Variants in ZNF646 observed in about 807,000 individuals in gnomAD.
ZNF646 encodes the protein zinc finger protein 646.
In ZNF646, 49 loss-of-function variants were observed where a neutral mutation model predicts 115.4. The observed-to-expected ratio is 0.42, with a 90% CI of 0.34 to 0.54. ZNF646 has a LOEUF of 0.54. Ranked by LOEUF, ZNF646 falls within the 20% of genes least tolerant of loss-of-function variation. ZNF646 has a pLI of 0.04. For synonymous variants in ZNF646, 933 were observed against 939.0 expected, an observed-to-expected ratio of 0.99 and a Z score of 0.12; for missense variants, 2,269 against 2,457.9, an observed-to-expected ratio of 0.92 and a Z score of 1.62.
chr16:31,078,161 C>T lies in ZNF646; in HGVS notation c.1837C>T (p.Pro613Ser), dbSNP rs745779632. Residue 613 changes from proline to serine, a missense_variant, in exon 2 of 3, where the codon CCT (proline) becomes TCT (serine). Physicochemically the swap from Pro to Ser is moderately conservative, Grantham distance 74. This residue lies in a region of ZNF646 where 852 missense variants were observed against 900.2 expected (regional missense o/e 0.95). Transcript: ENST00000300850. ...ENSRTETTMS[P>S]PRAFACRDCG... is the part of the protein sequence containing the mutation. Reference sequence around the variant, plus strand: ...TAGCAGAACAGAGACCACAATGTCACCTCCTAGGGCCTTTGCCTGCCGAGA... The same window carrying T: ...TAGCAGAACAGAGACCACAATGTCATCTCCTAGGGCCTTTGCCTGCCGAGA... The T allele has an allele frequency of 6.8e-6, 11 of 1,613,938 alleles. No individual in the cohort carries two copies. The highest frequency in any genetic ancestry group is 9.3e-6 in the Non-Finnish European group (11 of 1,180,044).
upstream of ZNF646, chr16:31,074,002 A>T (rs1035701971): frequency 6.6e-6 from 1 of 152,234 alleles, no homozygotes; most frequent in Non-Finnish European, 1.5e-5. Flanking sequence ...GAGGACAAAA[A>T]GGCCATGCTC....
chr16:31,075,076 T>G (rs77079826), intron 1 of ZNF646, among the ~76,000 whole-genome samples: 4,748 of 152,174 alleles, frequency 0.031, 258 homozygotes, highest in African/African-American at 0.11. Context: ...GCCTGGCACA[T>G]GGTAATATAA....
Position 31,076,786 on chromosome 16 carries a change from T to C in ZNF646, c.462T>C (p.Pro154=). The change falls in exon 2 of 3, where the codon CCT becomes CCC. Residue 154 remains proline, a synonymous_variant. Transcript: ENST00000300850. The part of the protein sequence containing the change: ...TEETPDCESV[P]DPRAASGTWE... ...AGACACCTGACTGTGAATCTGTACCTGACCCCAGGGCAGCTTCGGGTACGT... is the reference window on the plus strand; with the variant it reads ...AGACACCTGACTGTGAATCTGTACCCGACCCCAGGGCAGCTTCGGGTACGT... 6.2e-7 allele frequency: 1 copy of C among 1,613,956 alleles called. No individual in the cohort carries two copies. Among genetic ancestry groups the C allele is most frequent in the Non-Finnish European group, 8.5e-7 (1 of 1,180,034 alleles).
At position 31,083,107 on chromosome 16, in the gene ZNF646, A is replaced by C. The variant is rs1008417276; in HGVS notation, c.*15A>C. On this transcript the variant is annotated 3_prime_UTR_variant, in exon 3 of 3. Coordinates refer to ENST00000300850, the MANE Select transcript of ZNF646 (RefSeq NM_014699.4). ...TCTCCCTCTGAACTTCAAGTCTCCAAAGATCAGAATCTGGGGGAGGGAGCG... is the reference window on the plus strand; with the variant it reads ...TCTCCCTCTGAACTTCAAGTCTCCACAGATCAGAATCTGGGGGAGGGAGCG... The C allele has an allele frequency of 3.1e-6, 5 of 1,602,810 alleles. No individual in the cohort carries two copies. The highest frequency in any genetic ancestry group is 4.3e-6 in the Non-Finnish European group (5 of 1,175,594).
Position 31,077,943 on chromosome 16 carries a change from A to G in ZNF646, c.1619A>G (p.Asp540Gly), listed in dbSNP as rs377407582. The G allele has an allele frequency of 1.2e-6, 2 of 1,613,804 alleles. No individual in the cohort carries two copies. The highest frequency in any genetic ancestry group is 2.7e-5 in the African/African-American group (2 of 74,930). ...CACCTCAAGGTAGAACTCCCGCCTG[A>G]CCCAGTGGAGGCAGAGGCAGCCCCG... ...PSHLKVELPP[D>G]PVEAEAAPHT... The change falls in exon 2 of 3, where the codon GAC (aspartate) becomes GGC (glycine). Residue 540 changes from aspartate to glycine, a missense_variant. Physicochemically the swap from Asp to Gly is moderately conservative, Grantham distance 94. Transcript: ENST00000300850.
chr16:31,076,258 C>G lies in ZNF646; in HGVS notation c.-67C>G, dbSNP rs1009499961. 1.3e-6 allele frequency: 2 copies of G among 1,536,992 alleles called. No homozygotes were observed. The highest frequency in any genetic ancestry group is 1.2e-5 in the South Asian group (1 of 80,332). ...CCCCTCTTCCTAGGCCTTGGCCCCT[C>G]CACCAGAGGAAGGTGCTGCCACGTG... On this transcript the variant is annotated 5_prime_UTR_variant, in exon 2 of 3. Transcript: ENST00000300850.
Position 31,080,581 on chromosome 16 carries a change from A to G in ZNF646, c.4257A>G (p.Gln1419=), listed in dbSNP as rs745963231. The G allele has an allele frequency of 2.5e-6, 4 of 1,614,034 alleles. No individual in the cohort carries two copies. The highest frequency in any genetic ancestry group is 2.2e-5 in the East Asian group (1 of 44,868). The change falls in exon 2 of 3, where the codon CAA becomes CAG. Residue 1419 remains glutamine, a synonymous_variant. Coordinates refer to ENST00000300850, the MANE Select transcript of ZNF646 (RefSeq NM_014699.4). The part of the protein sequence containing the change: ...NLTGSQGLET[Q]LGGAEPVPHL... ...CTGGCAGCCAGGGACTAGAGACCCA[A>G]TTGGGTGGTGCTGAGCCAGTACCCC...
In ZNF646 at chr16:31,079,033, C is replaced by G. The variant is rs1465440027; in HGVS notation, c.2709C>G (p.Ala903=). 1.3e-6 allele frequency: 2 copies of G among 1,584,796 alleles called. No individual in the cohort carries two copies. The highest frequency in any genetic ancestry group is 1.7e-6 in the Non-Finnish European group (2 of 1,163,150). Residue 903 remains alanine (A), a synonymous_variant, in exon 2 of 3, where the codon GCC becomes GCG. Coordinates refer to ENST00000300850, the MANE Select transcript of ZNF646 (RefSeq NM_014699.4). This position sits in a 1 kb window ranked among gnomAD's most constrained non-coding sequence, Gnocchi z 5.5. ...RAGYRLHRRQ[A]HSSSGMTEGS... The stretch of plus-strand genomic sequence containing the variant: ...GCTACAGGCTTCACCGGCGCCAGGC[C>G]CACAGCTCCTCTGGCATGACTGAGG...
rs771545788 is a variant in ZNF646 at position 31,077,535 on chromosome 16, C to T, written c.1211C>T (p.Ser404Leu). Residue 404 changes from serine (S) to leucine (L), a missense_variant, in exon 2 of 3, where the codon TCA becomes TTA. By Grantham distance (145) the Ser-to-Leu change is moderately radical. Transcript: ENST00000300850. ...CACCAGACAGGTGTCTACCCCTGCT[C>T]ACTCTGTTCTAAGCAGCTGTTCAAT... is the stretch of plus-strand genomic sequence containing the variant. ...KSHQTGVYPC[S>L]LCSKQLFNAA... 9.3e-6 allele frequency: 15 copies of T among 1,613,388 alleles called. No individual in the cohort carries two copies. The highest frequency in any genetic ancestry group is 5.1e-6 in the Non-Finnish European group (6 of 1,179,810).
In ZNF646 at chr16:31,078,376, G is replaced by A. The variant is rs527819716; in HGVS notation, c.2052G>A (p.Gly684=). Residue 684 remains glycine, a synonymous_variant, in exon 2 of 3, where the codon GGG becomes GGA. Coordinates refer to ENST00000300850, the MANE Select transcript of ZNF646 (RefSeq NM_014699.4). ...HRKRAGGASG[G]REAKLLAAES... is the part of the protein sequence containing the mutation. ...AGCGGGCTGGCGGTGCCAGCGGTGG[G>A]AGAGAAGCCAAACTCCTGGCAGCGG... The A allele has an allele frequency of 3.0e-5, 48 of 1,612,740 alleles. No individual in the cohort carries two copies. In the African/African-American group the frequency reaches 6.0e-4, roughly 20 times the overall value.
In ZNF646 at chr16:31,076,970, G is replaced by C. The variant is rs1220914014; in HGVS notation, c.646G>C (p.Glu216Gln). The stretch of plus-strand genomic sequence containing the variant: ...TAGCAACTTGGAACAGTATCTGGCT[G>C]AATCAGTAGTGAACTTCACAGGGGG... ...LLSNLEQYLA[E>Q]SVVNFTGGQE... is the part of the protein sequence containing the mutation. The change falls in exon 2 of 3, where the codon GAA becomes CAA. Residue 216 changes from glutamate to glutamine, a missense_variant. This residue lies in a region of ZNF646 where 334 missense variants were observed against 323.5 expected (regional missense o/e 1.03). Transcript: ENST00000300850. 3 of 1,614,100 alleles carry C rather than the reference G, an allele frequency of 1.9e-6. No individual in the cohort carries two copies. The East Asian group carries it at 6.7e-5, about 36-fold the overall frequency.
rs1338844752 is a variant in ZNF646, at chr16:31,082,982, G to T, written c.5389G>T (p.Ala1797Ser). Reference sequence around the variant, plus strand: ...CTCTCTCCCCCCAGGAGCCCCAGTGGCACCAGTGACGGGCAGAGGGGACTT... The same window carrying T: ...CTCTCTCCCCCCAGGAGCCCCAGTGTCACCAGTGACGGGCAGAGGGGACTT... The part of the protein sequence containing the change: ...WTVAGSGAPV[A>S]PVTGRGDLPL... Residue 1797 changes from alanine to serine, a missense_variant, in exon 3 of 3, where the codon GCA (alanine) becomes TCA (serine). Coordinates refer to ENST00000300850, the MANE Select transcript of ZNF646 (RefSeq NM_014699.4). 1 of 1,597,344 alleles carries T rather than the reference G, an allele frequency of 6.3e-7. No homozygotes were observed. The highest frequency in any genetic ancestry group is 1.1e-5 in the South Asian group (1 of 88,940).
rs756629002 is a variant in ZNF646, at chr16:31,083,119, T to C, written c.*27T>C. ...CTTCAAGTCTCCAAAGATCAGAATCTGGGGGAGGGAGCGCGTGCAGGGAGG... is the reference window on the plus strand; with the variant it reads ...CTTCAAGTCTCCAAAGATCAGAATCCGGGGGAGGGAGCGCGTGCAGGGAGG... On this transcript the variant is annotated 3_prime_UTR_variant, in exon 3 of 3. Transcript: ENST00000300850. 6.3e-7 allele frequency: 1 copy of C among 1,596,130 alleles called. No homozygotes were observed. The highest frequency in any genetic ancestry group is 8.5e-7 in the Non-Finnish European group (1 of 1,173,252).
At chr16:31,076,224 G>T in intron 1 of ZNF646, 22 bp from the exon 2 acceptor site, 1 of 1,458,462 alleles carries the variant, frequency 6.9e-7, no homozygotes, top group South Asian at 1.4e-5. Flanking sequence ...CCTTCCTTTT[G>T]ACCACTGCCC....
chr16:31,083,644 C>T lies in ZNF646; in HGVS notation c.*552C>T. On this transcript the variant is annotated 3_prime_UTR_variant, in exon 3 of 3. Transcript: ENST00000300850. ...CAGGGTGGGGAGTGGGCACCTGTGG[C>T]CCCAGGCAGGTTCCTTCCCACAGCT... 6.5e-7 allele frequency: 1 copy of T among 1,531,300 alleles called. No homozygotes were observed. The allele number at this position is 1,531,300 out of a possible 1,614,324, so 94.9% of individuals were successfully genotyped here. A position where few individuals can be genotyped will look rare whatever the true frequency, so the allele number is the denominator to read the frequency against.
rs142694947 is a variant in ZNF646, at chr16:31,076,904, G to T, written c.580G>T (p.Ala194Ser). ...ADGWGPSTNSARAPPLPIPAS... is the reference protein window; with the variant it reads ...ADGWGPSTNSSRAPPLPIPAS... ...CGGCTGGGGACCCTCCACTAACTCT[G>T]CCAGAGCCCCTCCTCTCCCCATCCC... The change falls in exon 2 of 3, where the codon GCC becomes TCC. Residue 194 changes from alanine to serine, a missense_variant. Physicochemically the swap from Ala to Ser is moderately conservative, Grantham distance 99. Coordinates refer to ENST00000300850, the MANE Select transcript of ZNF646 (RefSeq NM_014699.4). 26 of 1,614,070 alleles carry T rather than the reference G, an allele frequency of 1.6e-5. No homozygotes were observed. Among genetic ancestry groups the T allele is most frequent in the South Asian group, 2.2e-5 (2 of 91,080 alleles).
Position 31,081,670 on chromosome 16 carries a change from G to C in ZNF646, c.5346G>C (p.Gln1782His). 6.2e-7 allele frequency: 1 copy of C among 1,600,170 alleles called. No homozygotes were observed. Among genetic ancestry groups the C allele is most frequent in the Non-Finnish European group, 8.5e-7 (1 of 1,171,918 alleles). Residue 1782 changes from glutamine to histidine, a missense_variant, in exon 2 of 3, where the codon CAG (glutamine) becomes CAC (histidine). By Grantham distance (24) the Gln-to-His change is conservative. Transcript: ENST00000300850. ...RRISFVQHQQQHQEEWTVAGS... is the reference protein window; with the variant it reads ...RRISFVQHQQHHQEEWTVAGS... ...TCAGCTTCGTGCAGCACCAGCAGCAGCACCAGGAGGAGTGGACGGTGGCCG... is the reference window on the plus strand; with the variant it reads ...TCAGCTTCGTGCAGCACCAGCAGCACCACCAGGAGGAGTGGACGGTGGCCG...
In ZNF646 at chr16:31,083,071, A is replaced by G. The variant is rs1459158923; in HGVS notation, c.5478A>G (p.Ala1826=). Residue 1826 remains alanine, a synonymous_variant, in exon 3 of 3, where the codon GCA becomes GCG. Coordinates refer to ENST00000300850, the MANE Select transcript of ZNF646 (RefSeq NM_014699.4). ...TGGATCCTTCACCCCAGTGGCCTGC[A>G]GACCTCAGCTTCTCCCTCTGAACTT... ...PLLDPSPQWP[A]DLSFSL 1.9e-6 allele frequency: 3 copies of G among 1,600,148 alleles called. No individual in the cohort carries two copies. The Admixed American group carries it at 5.2e-5, about 28-fold the overall frequency.
In ZNF646 at chr16:31,083,984, A is replaced by T; in HGVS notation, c.*892A>T. The T allele has an allele frequency of 6.7e-6, 10 of 1,499,354 alleles. No homozygotes were observed. In the South Asian group the frequency reaches 1.3e-4, roughly 20 times the overall value. The allele number at this position is 1,499,354 out of a possible 1,614,324, so 92.9% of individuals were successfully genotyped here. A position where few individuals can be genotyped will look rare whatever the true frequency, so the allele number is the denominator to read the frequency against. ...AGTCACACGATGACAAAGAACCAGA[A>T]TCTGAATCAAATGGGTCTGCCTGTT... is the stretch of plus-strand genomic sequence containing the variant. On this transcript the variant is annotated 3_prime_UTR_variant, in exon 3 of 3. Coordinates refer to ENST00000300850, the MANE Select transcript of ZNF646 (RefSeq NM_014699.4).
Sources: gnomAD v4.1 joint callset for allele counts (sites outside exome capture counted in the v4.1 genomes callset) on GRCh38, gnomAD v4.1.1 for gene constraint, gnomAD v4.1.1 regional missense constraint, Gnocchi (gnomAD v3.1) non-coding constraint, MANE v1.5 for transcripts, NCBI Gene and HGNC (gene_info 2026-07-23, HGNC 2026-07-21) for gene names.